Variants in FER1L6 observed in about 807,000 individuals in gnomAD.
FER1L6 encodes the protein fer-1 like family member 6.
Under a neutral mutation model 219.2 loss-of-function variants are expected in FER1L6, and 177 were observed. The ratio of observed to expected loss-of-function variants is 0.81; its 90% CI spans 0.71 to 0.91. The LOEUF is 0.91. Ranked by LOEUF, FER1L6 falls within the 40% of genes least tolerant of loss-of-function variation. FER1L6 has a pLI of 0.00. For missense variants in FER1L6, 2,153 were observed against 2,259.9 expected, an observed-to-expected ratio of 0.95 and a Z score of 0.96; for synonymous variants, 768 against 824.3, an observed-to-expected ratio of 0.93 and a Z score of 1.17.
chr8:124,079,663 T>C lies in FER1L6; in HGVS notation c.4221-2625T>C, dbSNP rs147056005. ...TACAGGGTGCATGACCCTGTTTCCA[T>C]GGAACCTACACCCTTATGGAGGAGG... On this transcript the variant is annotated intron_variant, in intron 32 of 40. Coordinates refer to ENST00000522917, the MANE Select transcript of FER1L6 (RefSeq NM_001039112.2). Among the ~76,000 whole-genome samples the C allele has an allele frequency of 2.4e-3, 373 of 152,270 alleles. 1 individual carries two copies. Among genetic ancestry groups the C allele is most frequent in the Middle Eastern group, 6.8e-3 (2 of 294 alleles).
At chr8:124,095,185 C>T in intron 35 of FER1L6, 147 bp downstream of exon 35, 1 of 1,081,500 alleles carries the variant, frequency 9.2e-7, no homozygotes, top group Non-Finnish European at 1.3e-6. Flanking sequence ...GGTGGGGTTG[C>T]TACTGGCATA....
chr8:123,896,121 C>T (rs2129714428), intron 1 of FER1L6, among the ~76,000 whole-genome samples: 1 of 152,250 alleles, frequency 6.6e-6, no homozygotes, highest in East Asian at 1.9e-4. Flanking sequence ...GTAGGGTGCT[C>T]ATGGCCTTGT....
At chr8:124,053,350 C>T (rs534352495) in intron 22 of FER1L6, among the ~76,000 whole-genome samples, 11 of 152,210 alleles carry the variant, frequency 7.2e-5, no homozygotes, top group South Asian at 2.1e-4. Context: ...TCCTGACAGC[C>T]GACTTAATAA....
chr8:124,052,760 G>A (rs1820107086), intron 22 of FER1L6, among the ~76,000 whole-genome samples: 1 of 152,074 alleles, frequency 6.6e-6, no homozygotes, highest in Non-Finnish European at 1.5e-5. Context: ...ACTCCAGCCT[G>A]GGCGACAGAG....
chr8:123,900,377 T>C (rs777664339), intron 1 of FER1L6, among the ~76,000 whole-genome samples: 10 of 152,190 alleles, frequency 6.6e-5, no homozygotes, highest in Non-Finnish European at 1.5e-4. Flanking sequence ...TTTGATCAGT[T>C]CTAGGAGGTT....
chr8:123,893,280 G>A (rs1001627783), intron 1 of FER1L6, among the ~76,000 whole-genome samples: 4 of 152,164 alleles, frequency 2.6e-5, no homozygotes, highest in African/African-American at 7.2e-5. Flanking sequence ...CCAGATTAGA[G>A]AGAAAACTTC....
Position 123,911,708 on chromosome 8 carries a change from G to A in FER1L6, c.-7-44284G>A, listed in dbSNP as rs1036477688. Among the ~76,000 whole-genome samples, 5 of 152,196 alleles carry A rather than the reference G, an allele frequency of 3.3e-5. No individual in the cohort carries two copies. The South Asian group carries it at 8.3e-4, about 25-fold the overall frequency. ...TTTAGGGGAAAGGAAACAGAGTCCC[G>A]GAGTTGTGAAACTGATTGTCCGAGA... On this transcript the variant is annotated intron_variant, in intron 1 of 40. Transcript: ENST00000522917.
rs142367440 is a variant in FER1L6, at chr8:124,046,073, G to A, written c.2724+172G>A. On this transcript the variant is annotated intron_variant, in intron 21 of 40. Coordinates refer to ENST00000522917, the MANE Select transcript of FER1L6 (RefSeq NM_001039112.2). ...AACAGTTCACAGAACCAAAAAGATT[G>A]GTGATGATCATTTGCTTTACTAAAA... 1.5e-4 allele frequency: 89 copies of A among 612,812 alleles called. No individual in the cohort carries two copies. In the African/African-American group the frequency reaches 1.5e-3, roughly 11 times the overall value. 38.0% of individuals were successfully genotyped at this position (612,812 alleles called of 1,614,324 possible).
At chr8:123,882,181 A>ATT (rs11338300) in intron 1 of FER1L6, among the ~76,000 whole-genome samples, 3 of 147,758 alleles carry the variant, frequency 2.0e-5, no homozygotes, top group South Asian at 2.1e-4. Flanking sequence ...ACAAAACCAC[A>ATT]TTTTTTTTTT....
intron 1 of FER1L6, among the ~76,000 whole-genome samples, chr8:123,902,210 T>C (rs1812871752): frequency 6.6e-6 from 1 of 152,210 alleles, no homozygotes; most frequent in African/African-American, 2.4e-5. Flanking sequence ...TTATTGAGGC[T>C]CATTTTATGG....
At chr8:123,927,936 G>A (rs188179582) in intron 1 of FER1L6, among the ~76,000 whole-genome samples, 99 of 152,132 alleles carry the variant, frequency 6.5e-4, no homozygotes, top group African/African-American at 2.3e-3. Context: ...TTCCAGAAAT[G>A]GATGCAATGT....
At chr8:124,105,769 G>T in intron 39 of FER1L6, among the ~76,000 whole-genome samples, 1 of 152,156 alleles carries the variant, frequency 6.6e-6, no homozygotes, top group Non-Finnish European at 1.5e-5. Flanking sequence ...ATCAGCTGAT[G>T]AGTCCATTTT....
intron 35 of FER1L6, among the ~76,000 whole-genome samples, chr8:124,096,157 GA>G (rs1822278613): frequency 6.6e-6 from 1 of 152,228 alleles, no homozygotes; most frequent in African/African-American, 2.4e-5. Flanking sequence ...AGAAGCTTAT[GA>G]TTGTTTCCTG....
At chr8:123,909,465 T>A (rs181726946) in intron 1 of FER1L6, among the ~76,000 whole-genome samples, 13 of 152,020 alleles carry the variant, frequency 8.6e-5, no homozygotes, top group Non-Finnish European at 2.9e-5. Flanking sequence ...GGTTGTTGAG[T>A]GGGGGCAGAG....
chr8:123,854,238 C>G (rs1011914755), intron 1 of FER1L6, among the ~76,000 whole-genome samples: 1 of 152,180 alleles, frequency 6.6e-6, no homozygotes, highest in African/African-American at 2.4e-5. Flanking sequence ...TATGACAACA[C>G]TGAGAGGATG....
chr8:124,030,196 T>C (rs1164217970), intron 18 of FER1L6, among the ~76,000 whole-genome samples: 2 of 152,176 alleles, frequency 1.3e-5, no homozygotes, highest in African/African-American at 4.8e-5. Context: ...AGCTTATGCA[T>C]CCAGAATGGC....
intron 6 of FER1L6, among the ~76,000 whole-genome samples, chr8:123,970,741 A>AAGGGCCCAATCCAACTTTGCCC (rs1294024315): frequency 2.5e-4 from 38 of 152,290 alleles, no homozygotes; most frequent in Non-Finnish European, 3.8e-4. Context: ...TTCCTGATCT[A>AAGGGCCCAATCCAACTTTGCCC]AGGGCCCAAT....
chr8:124,049,425 G>A (rs1819896387), intron 21 of FER1L6, among the ~76,000 whole-genome samples, 182 bp from the exon 22 acceptor site: 1 of 152,070 alleles, frequency 6.6e-6, no homozygotes, highest in Non-Finnish European at 1.5e-5. Flanking sequence ...AGGAGCATGA[G>A]TGGAACCCAC....
At chr8:124,097,074 T>TAG (rs1380867147) in intron 35 of FER1L6, among the ~76,000 whole-genome samples, 197 bp from the exon 36 acceptor site, 1 of 141,168 alleles carries the variant, frequency 7.1e-6, no homozygotes, top group Non-Finnish European at 1.5e-5. Flanking sequence ...TTCCTAAAGA[T>TAG]ATATATATAT....
Sources: gnomAD v4.1 joint callset for allele counts (sites outside exome capture counted in the v4.1 genomes callset) on GRCh38, gnomAD v4.1.1 for gene constraint, MANE v1.5 for transcripts, NCBI Gene and HGNC (gene_info 2026-07-23, HGNC 2026-07-21) for gene names.